Variants in FCN2 observed in about 807,000 individuals in gnomAD.
FCN2 encodes the protein ficolin 2, also known as ficolin-2.
Under a neutral mutation model 32.5 loss-of-function variants are expected in FCN2, and 31 were observed. The observed-to-expected ratio is 0.96, with a 90% CI of 0.72 to 1.29. FCN2 has a LOEUF of 1.29. Among genes scored for constraint, FCN2 ranks in the 50% most tolerant of loss-of-function variants. The pLI is 0.00. For missense variants in FCN2, 412 were observed against 406.5 expected, an observed-to-expected ratio of 1.01 and a Z score of -0.12; for synonymous variants, 181 against 164.5, an observed-to-expected ratio of 1.10 and a Z score of -0.77.
At chr9:134,866,411 G>C in the FCN2 span, among the ~76,000 whole-genome samples, 5 of 146,388 alleles carry the variant, frequency 3.4e-5, no homozygotes, top group African/African-American at 7.6e-5. Context: ...TTTAATAAAT[G>C]GTGCTGGGAA....
In FCN2 at chr9:134,886,426, A is replaced by G. The variant is rs367724922; in HGVS notation, c.560-4A>G. The stretch of plus-strand genomic sequence containing the variant: ...GCTGAGACCCTGAAACCTTTCTCTA[A>G]CAGGAACCAGCGAGCTCCGTGTAGA... On this transcript the variant is annotated splice_polypyrimidine_tract_variant and splice_region_variant and intron_variant, in intron 6 of 7. Transcript: ENST00000291744. 40 of 1,614,012 alleles carry G rather than the reference A, an allele frequency of 2.5e-5. No homozygotes were observed. Among genetic ancestry groups the G allele is most frequent in the Non-Finnish European group, 3.2e-5 (38 of 1,180,010 alleles).
At chr9:134,887,147 C>T (rs1269843085) in intron 7 of FCN2, 21 bp from the exon 8 acceptor site, 2 of 1,613,716 alleles carry the variant, frequency 1.2e-6, no homozygotes, top group African/African-American at 1.3e-5. Flanking sequence ...TGTAACGATG[C>T]TCACATTTCC....
chr9:134,873,797 T>C, the FCN2 span, among the ~76,000 whole-genome samples: 1 of 152,248 alleles, frequency 6.6e-6, no homozygotes, highest in African/African-American at 2.4e-5. Flanking sequence ...AAAACAGAGC[T>C]GCTGGGATTT....
At chr9:134,869,899 A>G in the FCN2 span, among the ~76,000 whole-genome samples, 3 of 151,876 alleles carry the variant, frequency 2.0e-5, no homozygotes, top group African/African-American at 7.3e-5. Flanking sequence ...ACTGTCTGCA[A>G]GCACCCATAG....
intron 1 of FCN2, among the ~76,000 whole-genome samples, chr9:134,881,390 T>C (rs538182344): frequency 1.3e-5 from 2 of 152,270 alleles, no homozygotes; most frequent in African/African-American, 4.8e-5. Context: ...CCTGCTGGGC[T>C]CTGGAGATGG....
At chr9:134,887,088 C>T in intron 7 of FCN2, 80 bp from the exon 8 acceptor site, 1 of 1,544,160 alleles carries the variant, frequency 6.5e-7, no homozygotes. Context: ...ACACACCAGG[C>T]CAGGCCTCAG....
chr9:134,865,743 A>T, the FCN2 span, among the ~76,000 whole-genome samples: 1 of 152,338 alleles, frequency 6.6e-6, no homozygotes, highest in South Asian at 2.1e-4. Flanking sequence ...TATTGATTTC[A>T]TAATCAACAA....
chr9:134,882,797 G>A (rs4604523), intron 2 of FCN2, among the ~76,000 whole-genome samples, 158 bp downstream of exon 2: 4,689 of 152,276 alleles, frequency 0.031, 232 homozygotes, highest in African/African-American at 0.11. Context: ...ACAGGGTTCT[G>A]ACATGGAGGG....
At chr9:134,866,793 G>GA in the FCN2 span, among the ~76,000 whole-genome samples, 5 of 130,030 alleles carry the variant, frequency 3.8e-5, no homozygotes, top group Non-Finnish European at 8.1e-5. Context: ...AAATTTACAA[G>GA]AAAAAAACAA....
Position 134,884,726 on chromosome 9 carries a change from T to A in FCN2, c.269-14T>A, listed in dbSNP as rs1368834881. On this transcript the variant is annotated splice_polypyrimidine_tract_variant and intron_variant, in intron 3 of 7. Coordinates refer to ENST00000291744, the MANE Select transcript of FCN2 (RefSeq NM_004108.3). Reference sequence around the variant, plus strand: ...CAAACTGTGACACGTGTGTCCTCTCTCATCCATGAACAGGAGCACCTGGGG... The same window carrying A: ...CAAACTGTGACACGTGTGTCCTCTCACATCCATGAACAGGAGCACCTGGGG... 1.2e-6 allele frequency: 2 copies of A among 1,613,748 alleles called. No homozygotes were observed. The highest frequency in any genetic ancestry group is 1.7e-6 in the Non-Finnish European group (2 of 1,179,732).
the FCN2 span, among the ~76,000 whole-genome samples, chr9:134,866,119 A>G: frequency 6.6e-6 from 1 of 151,000 alleles, no homozygotes. Flanking sequence ...GACTTTCTTC[A>G]CAGAATTGGA....
chr9:134,867,447 A>T, the FCN2 span, among the ~76,000 whole-genome samples: 1 of 140,062 alleles, frequency 7.1e-6, no homozygotes, highest in Admixed American at 7.6e-5. Flanking sequence ...CAATGAGATC[A>T]CATGGACACA....
the FCN2 span, among the ~76,000 whole-genome samples, chr9:134,872,236 C>T: frequency 5.3e-5 from 8 of 152,144 alleles, no homozygotes; most frequent in Admixed American, 4.6e-4. Flanking sequence ...TCAGCGGAGT[C>T]GTACCCCGTG....
chr9:134,885,635 C>G, intron 5 of FCN2, 133 bp from the exon 6 acceptor site: 1 of 1,266,672 alleles, frequency 7.9e-7, no homozygotes, highest in Non-Finnish European at 1.1e-6. Flanking sequence ...GTGAGGAGAA[C>G]AGGTGGGCGT....
the FCN2 span, among the ~76,000 whole-genome samples, chr9:134,869,334 A>G: frequency 6.6e-6 from 1 of 152,224 alleles, no homozygotes; most frequent in Non-Finnish European, 1.5e-5. Context: ...TCCTCCCTCA[A>G]GCGCTTCCTC....
chr9:134,869,836 C>T, the FCN2 span, among the ~76,000 whole-genome samples: 7 of 152,274 alleles, frequency 4.6e-5, no homozygotes, highest in Admixed American at 1.3e-4. Context: ...GTGAGGGCTA[C>T]GTGATCACAG....
chr9:134,881,470 C>A (rs748376622), intron 1 of FCN2, among the ~76,000 whole-genome samples: 1 of 152,120 alleles, frequency 6.6e-6, no homozygotes, highest in Non-Finnish European at 1.5e-5. Flanking sequence ...GGACCTCCTT[C>A]GGGGCTCCCG....
chr9:134,870,357 T>C, the FCN2 span, among the ~76,000 whole-genome samples: 1 of 152,096 alleles, frequency 6.6e-6, no homozygotes, highest in Non-Finnish European at 1.5e-5. This position sits in a 1 kb window ranked among gnomAD's most constrained non-coding sequence, Gnocchi z 4.3. Flanking sequence ...GGGCCGAGTG[T>C]AGACCTGGGC....
rs1830718067 is a variant in FCN2, at chr9:134,884,747, T to G, written c.276T>G (p.Pro92=). The change falls in exon 4 of 8, where the codon CCT becomes CCG. Residue 92 remains proline (P), a synonymous_variant. Coordinates refer to ENST00000291744, the MANE Select transcript of FCN2 (RefSeq NM_004108.3). The part of the protein sequence containing the change: ...KAGPPGPNGA[P]GEPQPCLTGP... ...TCTCTCATCCATGAACAGGAGCACCTGGGGAGCCCCAGCCGTGCCTGACAG... is the reference window on the plus strand; with the variant it reads ...TCTCTCATCCATGAACAGGAGCACCGGGGGAGCCCCAGCCGTGCCTGACAG... 1 of 1,613,958 alleles carries G rather than the reference T, an allele frequency of 6.2e-7. No homozygotes were observed. Among genetic ancestry groups the G allele is most frequent in the Non-Finnish European group, 8.5e-7 (1 of 1,179,922 alleles).
Sources: gnomAD v4.1 joint callset for allele counts (sites outside exome capture counted in the v4.1 genomes callset) on GRCh38, gnomAD v4.1.1 for gene constraint, Gnocchi (gnomAD v3.1) non-coding constraint, MANE v1.5 for transcripts, NCBI Gene and HGNC (gene_info 2026-07-23, HGNC 2026-07-21) for gene names.